The following CCDC93 variants were observed in gnomAD, a reference collection of about 807,000 sequenced individuals.
CCDC93 encodes coiled-coil domain-containing protein 93.
In CCDC93, 61 loss-of-function variants were observed where a neutral mutation model predicts 108.2. The ratio of observed to expected loss-of-function variants is 0.56; its 90% CI spans 0.46 to 0.70. The LOEUF (loss-of-function observed/expected upper bound fraction) is 0.70, where lower values mean the gene tolerates loss of function less well. CCDC93 is among the 30% of genes least tolerant of loss of function. The pLI is 0.00. For missense variants in CCDC93, 685 were observed against 764.2 expected (o/e 0.90, Z 1.22); for synonymous variants, 276 against 260.4 (o/e 1.06, Z -0.58).
At position 117,975,082 on chromosome 2, in the gene CCDC93, C is replaced by T. The variant is rs572562404; in HGVS notation, c.750+106G>A. 3 of 1,082,680 alleles carry T rather than the reference C, an allele frequency of 2.8e-6. No individual in the cohort carries two copies. The Admixed American group carries it at 5.5e-5, about 20-fold the overall frequency. The allele number at this position is 1,082,680 out of a possible 1,614,324, so 67.1% of individuals were successfully genotyped here. Reference sequence around the variant, plus strand: ...GGTGTGAAAGACCTGCTCACAGCAGCTGGCTGTGGGAGGTGGTGGCCATTT... The same window carrying T: ...GGTGTGAAAGACCTGCTCACAGCAGTTGGCTGTGGGAGGTGGTGGCCATTT... On this transcript the variant is annotated intron_variant, in intron 9 of 23. Coordinates refer to ENST00000376300, the MANE Select transcript of CCDC93 (RefSeq NM_019044.5).
At chr2:117,961,072 G>A (rs930217688) in intron 11 of CCDC93, among the ~76,000 whole-genome samples, 3 of 152,046 alleles carry the variant, frequency 2.0e-5, no homozygotes, top group Middle Eastern at 3.2e-3. Flanking sequence ...TAAGGAGCCT[G>A]GTTCACTTGG....
rs1355392634 is a variant in CCDC93 at position 117,958,408 on chromosome 2, G to A, written c.962C>T (p.Ser321Phe). ...TSQLHRRKVISLNKQIAQKTK... is the reference protein window; with the variant it reads ...TSQLHRRKVIFLNKQIAQKTK... ...CTTTTGCGCAATCTGTTTGTTCAAG[G>A]AAATGACTTTCCGGCGATGTAGCTG... The change falls in exon 12 of 24, where the codon TCC (serine) becomes TTC (phenylalanine). Residue 321 changes from serine to phenylalanine, a missense_variant. Physicochemically the swap from Ser to Phe is radical, Grantham distance 155. Transcript: ENST00000376300. 1.2e-6 allele frequency: 2 copies of A among 1,613,704 alleles called. No homozygotes were observed. The highest frequency in any genetic ancestry group is 1.1e-5 in the South Asian group (1 of 91,066).
At chr2:117,963,330 A>G (rs766286133) in intron 11 of CCDC93, among the ~76,000 whole-genome samples, 5 of 152,212 alleles carry the variant, frequency 3.3e-5, no homozygotes, top group African/African-American at 7.2e-5. Context: ...ACTCTTTCAG[A>G]TAACAGTTCA....
intron 11 of CCDC93, among the ~76,000 whole-genome samples, chr2:117,959,834 T>C (rs1484766168): frequency 4.6e-5 from 7 of 152,206 alleles, no homozygotes; most frequent in Non-Finnish European, 1.0e-4. Flanking sequence ...TTTCTGGGAA[T>C]TGGAATTAAC....
chr2:117,955,494 G>A (rs1375296977), intron 12 of CCDC93, among the ~76,000 whole-genome samples: 6 of 152,186 alleles, frequency 3.9e-5, no homozygotes, highest in Non-Finnish European at 8.8e-5. Flanking sequence ...TAGGGAACAA[G>A]TTAAATAAAT....
intron 6 of CCDC93, among the ~76,000 whole-genome samples, chr2:117,994,747 C>A (rs1680592073): frequency 6.6e-6 from 1 of 152,086 alleles, no homozygotes; most frequent in East Asian, 1.9e-4. Flanking sequence ...CTATGAAAAC[C>A]AACTAGATGT....
intron 11 of CCDC93, among the ~76,000 whole-genome samples, chr2:117,971,743 T>C (rs1327745680): frequency 6.6e-6 from 1 of 152,236 alleles, no homozygotes; most frequent in African/African-American, 2.4e-5. Flanking sequence ...CTCACTGTCC[T>C]ACCTCTTTTA....
At chr2:117,961,182 C>T (rs893285578) in intron 11 of CCDC93, among the ~76,000 whole-genome samples, 1 of 152,028 alleles carries the variant, frequency 6.6e-6, no homozygotes, top group Admixed American at 6.5e-5. Context: ...TCTCATTCTG[C>T]TCTTTTACTA....
At chr2:117,991,970 G>A (rs1398536513) in intron 6 of CCDC93, among the ~76,000 whole-genome samples, 1 of 152,136 alleles carries the variant, frequency 6.6e-6, no homozygotes, top group East Asian at 1.9e-4. Context: ...AGCTAAAGAA[G>A]GGCTTGCAGA....
chr2:117,922,814 A>T (rs577144878), intron 23 of CCDC93, among the ~76,000 whole-genome samples: 2 of 152,168 alleles, frequency 1.3e-5, no homozygotes, highest in South Asian at 4.2e-4. Flanking sequence ...TAATATATAA[A>T]ACAGAAAAGC....
intron 23 of CCDC93, among the ~76,000 whole-genome samples, chr2:117,925,550 T>TCAATTCAA (rs1678053285): frequency 6.6e-6 from 1 of 152,106 alleles, no homozygotes; most frequent in Non-Finnish European, 1.5e-5. Flanking sequence ...GGTAAAGGGA[T>TCAATTCAA]CAATTCAACA....
At chr2:117,921,050 G>A (rs1181334750) in intron 23 of CCDC93, among the ~76,000 whole-genome samples, 9 of 151,804 alleles carry the variant, frequency 5.9e-5, no homozygotes, top group African/African-American at 9.7e-5. Context: ...GGTGGCAGGC[G>A]CCTGTAGTCC....
intron 7 of CCDC93, among the ~76,000 whole-genome samples, chr2:117,983,452 T>A (rs2104796133): frequency 6.6e-6 from 1 of 152,192 alleles, no homozygotes; most frequent in South Asian, 2.1e-4. Flanking sequence ...AAGCTTCCCC[T>A]CTTCACTCAT....
intron 11 of CCDC93, among the ~76,000 whole-genome samples, chr2:117,960,499 T>G (rs1679354068): frequency 6.6e-6 from 1 of 152,250 alleles, no homozygotes; most frequent in Non-Finnish European, 1.5e-5. Context: ...ATAAACTGCT[T>G]TTATGGCCAA....
rs1162412486 is a variant in CCDC93 at position 117,917,938 on chromosome 2, G to C, written c.*2405C>G. 1 of 152,232 alleles carries C rather than the reference G, an allele frequency of 6.6e-6. No homozygotes were observed. The highest frequency in any genetic ancestry group is 1.5e-5 in the Non-Finnish European group (1 of 68,060). The allele number at this position is 152,232 out of a possible 1,614,324, so 9.4% of individuals were successfully genotyped here. The stretch of plus-strand genomic sequence containing the variant: ...GAGCCTCTCTCTCCTGGGGAAACCT[G>C]GTTCCTCCTGAAGCGCATATTTTGA... On this transcript the variant is annotated 3_prime_UTR_variant, in exon 24 of 24. Coordinates refer to ENST00000376300, the MANE Select transcript of CCDC93 (RefSeq NM_019044.5).
intron 11 of CCDC93, among the ~76,000 whole-genome samples, chr2:117,970,265 A>G (rs1170963039): frequency 2.6e-5 from 4 of 152,252 alleles, no homozygotes; most frequent in Non-Finnish European, 5.9e-5. Flanking sequence ...GAAAGAAATT[A>G]TCTGACAAAC....
At chr2:118,013,103 A>G (rs1677062797) in intron 1 of CCDC93, among the ~76,000 whole-genome samples, 1 of 152,234 alleles carries the variant, frequency 6.6e-6, no homozygotes, top group African/African-American at 2.4e-5. Context: ...GAAAGGGACG[A>G]CAGATGCAAA....
At chr2:117,990,602 A>T (rs1573518635) in intron 6 of CCDC93, among the ~76,000 whole-genome samples, 1 of 149,568 alleles carries the variant, frequency 6.7e-6, no homozygotes, top group Non-Finnish European at 1.5e-5. Flanking sequence ...AAATTTAGCT[A>T]TGAGGATGTC....
At chr2:117,969,877 C>T (rs1164602951) in intron 11 of CCDC93, among the ~76,000 whole-genome samples, 2 of 152,156 alleles carry the variant, frequency 1.3e-5, no homozygotes, top group Admixed American at 6.6e-5. Flanking sequence ...CTTACAGCAT[C>T]GAACCCAAAG....
Sources: gnomAD v4.1 joint callset for allele counts (sites outside exome capture counted in the v4.1 genomes callset) on GRCh38, gnomAD v4.1.1 for gene constraint, MANE v1.5 for transcripts, NCBI Gene and HGNC (gene_info 2026-07-23, HGNC 2026-07-21) for gene names.